The following SDCCAG8 variants were observed in gnomAD, a reference collection of about 807,000 sequenced individuals.
SDCCAG8 encodes serologically defined colon cancer antigen 8.
In SDCCAG8, 74 loss-of-function variants were observed where a neutral mutation model predicts 101.8. That is an observed-to-expected ratio of 0.73 (90% CI 0.60 to 0.88). The LOEUF is 0.88. Ranked by LOEUF, SDCCAG8 falls within the 40% of genes least tolerant of loss-of-function variation. The probability of loss-of-function intolerance (pLI) is 0.00; values close to 1 mark genes in which losing one functional copy is unlikely to be tolerated. For synonymous variants in SDCCAG8, 281 were observed against 292.9 expected, an observed-to-expected ratio of 0.96 and a Z score of 0.41; for missense variants, 787 against 822.6, an observed-to-expected ratio of 0.96 and a Z score of 0.53.
chr1:243,467,121 A>T (rs747459595), intron 16 of SDCCAG8, among the ~76,000 whole-genome samples: 1 of 152,212 alleles, frequency 6.6e-6, no homozygotes, highest in Non-Finnish European at 1.5e-5. Flanking sequence ...TTCACAACCT[A>T]TTGTGCGTAG....
intron 5 of SDCCAG8, among the ~76,000 whole-genome samples, chr1:243,288,580 G>C (rs781122905): frequency 7.9e-5 from 12 of 152,102 alleles, no homozygotes; most frequent in Non-Finnish European, 1.6e-4. Context: ...AAAAAATCAA[G>C]AAATATCTTC....
intron 13 of SDCCAG8, among the ~76,000 whole-genome samples, chr1:243,391,763 A>C (rs2078713982): frequency 6.6e-6 from 1 of 152,252 alleles, no homozygotes; most frequent in African/African-American, 2.4e-5. Flanking sequence ...GGAAATAACC[A>C]TTAGAACCAT....
At chr1:243,337,231 G>A (rs993841431) in intron 10 of SDCCAG8, among the ~76,000 whole-genome samples, 8 of 152,136 alleles carry the variant, frequency 5.3e-5, no homozygotes, top group Non-Finnish European at 7.4e-5. Context: ...CATATGGCTA[G>A]CCAGCTATCC....
At chr1:243,492,853 CACCTT>C (rs1191000342) in intron 17 of SDCCAG8, among the ~76,000 whole-genome samples, 1 of 152,084 alleles carries the variant, frequency 6.6e-6, no homozygotes, top group Non-Finnish European at 1.5e-5. Flanking sequence ...GTGATCTGCC[CACCTT>C]GGCCTCCCAA....
intron 12 of SDCCAG8, among the ~76,000 whole-genome samples, chr1:243,345,322 C>G (rs1573452065): frequency 6.6e-6 from 1 of 152,052 alleles, no homozygotes; most frequent in South Asian, 2.1e-4. Context: ...AACTGAAATC[C>G]TTAGTACTAA....
At chr1:243,287,795 T>C (rs756312597) in intron 5 of SDCCAG8, among the ~76,000 whole-genome samples, 56 of 152,214 alleles carry the variant, frequency 3.7e-4, no homozygotes, top group Non-Finnish European at 5.3e-4. Context: ...TTCATAGTCC[T>C]CAGTATTTAT....
At chr1:243,478,956 C>CATAAAA (rs1662956076) in intron 16 of SDCCAG8, among the ~76,000 whole-genome samples, 1 of 94,726 alleles carries the variant, frequency 1.1e-5, no homozygotes, top group African/African-American at 4.3e-5. Context: ...GACTCTGTCT[C>CATAAAA]AAAAAAAAAA....
chr1:243,475,353 G>A (rs924630680), intron 16 of SDCCAG8, among the ~76,000 whole-genome samples: 4 of 152,200 alleles, frequency 2.6e-5, no homozygotes, highest in South Asian at 4.1e-4. Flanking sequence ...ACCAGGAGTG[G>A]GGGCTGTGAC....
intron 6 of SDCCAG8, chr1:243,293,438 A>G: frequency 1.5e-6 from 1 of 672,202 alleles, no homozygotes; most frequent in Non-Finnish European, 2.7e-6. Context: ...TGGACGTATT[A>G]AACAATATCT....
At chr1:243,297,806 G>A (rs944130737) in intron 6 of SDCCAG8, among the ~76,000 whole-genome samples, 14 of 151,930 alleles carry the variant, frequency 9.2e-5, no homozygotes, top group African/African-American at 3.4e-4. Flanking sequence ...TTTATTTGGG[G>A]AGTTCTTTAT....
At chr1:243,269,615 G>C (rs2067919541) in intron 1 of SDCCAG8, among the ~76,000 whole-genome samples, 1 of 152,046 alleles carries the variant, frequency 6.6e-6, no homozygotes, top group Admixed American at 6.6e-5. Flanking sequence ...GATGTCTCTT[G>C]GTGGGGGAGG....
chr1:243,415,853 G>T (rs962484248), intron 14 of SDCCAG8, 24 bp downstream of exon 14: 7 of 1,611,418 alleles, frequency 4.3e-6, no homozygotes, highest in Non-Finnish European at 5.9e-6. Context: ...AAAGATTAGA[G>T]CCTGGGCACT....
intron 9 of SDCCAG8, among the ~76,000 whole-genome samples, chr1:243,322,978 T>A (rs1048169668): frequency 6.6e-6 from 1 of 151,814 alleles, no homozygotes; most frequent in Non-Finnish European, 1.5e-5. Flanking sequence ...CTACTAAAAA[T>A]ACAAAAATTA....
intron 4 of SDCCAG8, among the ~76,000 whole-genome samples, chr1:243,281,634 T>C (rs924443482): frequency 1.3e-5 from 2 of 150,668 alleles, no homozygotes; most frequent in African/African-American, 4.8e-5. Context: ...ATTCACTCTT[T>C]TTCTGCCTTC....
intron 1 of SDCCAG8, among the ~76,000 whole-genome samples, chr1:243,265,011 T>C (rs1298114152): frequency 1.3e-5 from 2 of 152,196 alleles, no homozygotes; most frequent in Non-Finnish European, 2.9e-5. Context: ...TTTCCTTAAA[T>C]GTAAGGAGCA....
At chr1:243,257,541 G>C (rs959505097) in intron 1 of SDCCAG8, among the ~76,000 whole-genome samples, 1 of 152,082 alleles carries the variant, frequency 6.6e-6, no homozygotes, top group Non-Finnish European at 1.5e-5. Context: ...TACTAGACAA[G>C]CACTCATTAA....
intron 16 of SDCCAG8, among the ~76,000 whole-genome samples, chr1:243,426,837 G>T (rs1279040080): frequency 6.6e-6 from 1 of 152,200 alleles, no homozygotes; most frequent in Non-Finnish European, 1.5e-5. Flanking sequence ...CCTTTAAGGT[G>T]TAAGTTGGTA....
At chr1:243,484,946 A>G (rs1428559271) in intron 16 of SDCCAG8, among the ~76,000 whole-genome samples, 1 of 152,064 alleles carries the variant, frequency 6.6e-6, no homozygotes, top group Admixed American at 6.5e-5. Flanking sequence ...TGGGAGGCTG[A>G]GGCAGGAGAA....
chr1:243,286,859 G>T (rs1180873471), intron 5 of SDCCAG8, among the ~76,000 whole-genome samples: 1 of 152,164 alleles, frequency 6.6e-6, no homozygotes, highest in African/African-American at 2.4e-5. Context: ...CCCTAAGAAG[G>T]CTGGTGTTTA....
Sources: allele counts gnomAD v4.1 joint callset (sites outside exome capture counted in the v4.1 genomes callset), GRCh38; gene constraint gnomAD v4.1.1; transcripts MANE v1.5; gene names NCBI Gene and HGNC (gene_info 2026-07-23, HGNC 2026-07-21).